The following PHF12 variants were observed in gnomAD, a reference collection of about 807,000 sequenced individuals.
PHF12 encodes the protein PHD finger protein 12.
Under a neutral mutation model 99.8 loss-of-function variants are expected in PHF12, and 6 were observed. The observed-to-expected ratio is 0.06, with a 90% CI of 0.03 to 0.12. The LOEUF (loss-of-function observed/expected upper bound fraction) is 0.12. PHF12 is among the 10% of genes least tolerant of loss of function. PHF12 has a pLI of 1.00. For missense variants in PHF12, 954 were observed against 1,300.1 expected (o/e 0.73, Z 4.09); for synonymous variants, 480 against 514.9 (o/e 0.93, Z 0.92).
chr17:28,908,986 C>A (rs2039915808), intron 11 of PHF12, 105 bp from the exon 12 acceptor site: 2 of 1,044,748 alleles, frequency 1.9e-6, no homozygotes, highest in African/African-American at 1.6e-5. Context: ...GGAGAAAATC[C>A]CGCTGGATGA....
intron 5 of PHF12, among the ~76,000 whole-genome samples, chr17:28,920,303 C>G (rs2040138879): frequency 6.6e-6 from 1 of 152,144 alleles, no homozygotes; most frequent in South Asian, 2.1e-4. Flanking sequence ...TCTTGCTACC[C>G]TGCTCTGACC....
intron 2 of PHF12, among the ~76,000 whole-genome samples, chr17:28,933,521 C>T (rs953270369): frequency 6.6e-6 from 1 of 152,154 alleles, no homozygotes; most frequent in African/African-American, 2.4e-5. Flanking sequence ...GTTTTTGGTT[C>T]ACTCTCAGGA....
rs965602380 is a variant in PHF12 at position 28,951,095 on chromosome 17, G to A, written c.-135C>T. On this transcript the variant is annotated 5_prime_UTR_variant, in exon 1 of 15. Coordinates refer to ENST00000332830, the MANE Select transcript of PHF12 (RefSeq NM_001033561.2). ...ATACGGGTCCCGACTTCCTCGCCCT[G>A]GCTCCCCCCCACCCCCCGGCCCCCA... 1 of 1,471,652 alleles carries A rather than the reference G, an allele frequency of 6.8e-7. No homozygotes were observed. The highest frequency in any genetic ancestry group is 9.0e-7 in the Non-Finnish European group (1 of 1,110,680). 91.2% of individuals were successfully genotyped at this position (1,471,652 alleles called of 1,614,324 possible). A position where few individuals can be genotyped will look rare whatever the true frequency, so the allele number is the denominator to read the frequency against.
At chr17:28,921,998 G>A (rs1222059048) in intron 4 of PHF12, among the ~76,000 whole-genome samples, 190 bp from the exon 5 acceptor site, 1 of 152,168 alleles carries the variant, frequency 6.6e-6, no homozygotes, top group Admixed American at 6.5e-5. Context: ...AAAAAAAAGA[G>A]ACTAATACGT....
In PHF12 at chr17:28,950,551, A is replaced by C; in HGVS notation, c.67-305T>G. On this transcript the variant is annotated intron_variant, in intron 1 of 14. Transcript: ENST00000332830. This position sits in a 1 kb window ranked among gnomAD's most constrained non-coding sequence, Gnocchi z 5.7. Reference sequence around the variant, plus strand: ...GTATGGACAGTGGGGGACTCCAAAGACCCGCTCGGGAGAGGCCCAAAGCCC... The same window carrying C: ...GTATGGACAGTGGGGGACTCCAAAGCCCCGCTCGGGAGAGGCCCAAAGCCC... The C allele has an allele frequency of 2.0e-6, 1 of 504,310 alleles. No individual in the cohort carries two copies. The allele number at this position is 504,310 out of a possible 1,614,324, so 31.2% of individuals were successfully genotyped here.
Position 28,912,936 on chromosome 17 carries a change from C to T in PHF12, c.1635G>A (p.Val545=), listed in dbSNP as rs1172018228. 6.2e-7 allele frequency: 1 copy of T among 1,614,240 alleles called. No individual in the cohort carries two copies. Among genetic ancestry groups the T allele is most frequent in the East Asian group, 2.2e-5 (1 of 44,884 alleles). The change falls in exon 9 of 15, where the codon GTG becomes GTA. Residue 545 remains valine (V), a synonymous_variant. Coordinates refer to ENST00000332830, the MANE Select transcript of PHF12 (RefSeq NM_001033561.2). ...GTANGPVNTE[V]KANGPHLYSS... is the part of the protein sequence containing the mutation. ...TGTAGAGGTGTGGGCCATTAGCTTT[C>T]ACCTCTGTGTTCACTGGCCCATTGG...
At chr17:28,927,766 G>C (rs1487028579) in intron 2 of PHF12, 1 of 152,272 alleles carries the variant, frequency 6.6e-6, no homozygotes, top group African/African-American at 2.4e-5. Flanking sequence ...CCATCTCAGA[G>C]CCCTGCTGTC....
chr17:28,949,469 T>C lies in PHF12; in HGVS notation c.248+596A>G, dbSNP rs1169779338. Among the ~76,000 whole-genome samples, 2 of 152,146 alleles carry C rather than the reference T, an allele frequency of 1.3e-5. No homozygotes were observed. Among genetic ancestry groups the C allele is most frequent in the African/African-American group, 2.4e-5 (1 of 41,424 alleles). On this transcript the variant is annotated intron_variant, in intron 2 of 14. Transcript: ENST00000332830. This position sits in a 1 kb window ranked among gnomAD's most constrained non-coding sequence, Gnocchi z 4.6. ...TCCCCACCGTTCCCCCGAGAGACGTTTGCAAATCATATATGCAGCCAAAAT... is the reference window on the plus strand; with the variant it reads ...TCCCCACCGTTCCCCCGAGAGACGTCTGCAAATCATATATGCAGCCAAAAT...
chr17:28,945,858 G>A (rs749512929), intron 2 of PHF12, among the ~76,000 whole-genome samples: 4 of 152,176 alleles, frequency 2.6e-5, no homozygotes, highest in Non-Finnish European at 4.4e-5. Context: ...CTCCATGGCC[G>A]GGTGTGGTGG....
chr17:28,919,664 T>C (rs2320589), intron 5 of PHF12, among the ~76,000 whole-genome samples: 93,220 of 152,080 alleles, frequency 0.61, 31,134 homozygotes, highest in African/African-American at 0.9. Flanking sequence ...TGCTTGAACC[T>C]AGGAGGCCGG....
chr17:28,938,399 T>C (rs2040548084), intron 2 of PHF12, among the ~76,000 whole-genome samples: 1 of 152,022 alleles, frequency 6.6e-6, no homozygotes, highest in Admixed American at 6.6e-5. Flanking sequence ...CCGGCTAATT[T>C]TTGTATTTTT....
chr17:28,926,086 C>T (rs1272062603), intron 3 of PHF12: 1 of 152,296 alleles, frequency 6.6e-6, no homozygotes, highest in African/African-American at 2.4e-5. Context: ...GTTGACCTGG[C>T]TTTGGCTTGC....
rs778300119 is a variant in PHF12 at position 28,906,235 on chromosome 17, A to C, written c.2963T>G (p.Leu988Arg). ...LLQDGVLAEK[L>R]SLKPHQGPVL... is the part of the protein sequence containing the mutation. ...AGGGCCCTGGTGGGGCTTGAGAGAG[A>C]GCTTCTCGGCCAAGACCCCATCCTG... Residue 988 changes from leucine (L) to arginine (R), a missense_variant, in exon 15 of 15, where the codon CTC (leucine) becomes CGC (arginine). Coordinates refer to ENST00000332830, the MANE Select transcript of PHF12 (RefSeq NM_001033561.2). This position sits in a 1 kb window ranked among gnomAD's most constrained non-coding sequence, Gnocchi z 4.2. 8 of 1,611,996 alleles carry C rather than the reference A, an allele frequency of 5.0e-6. No homozygotes were observed. Among genetic ancestry groups the C allele is most frequent in the South Asian group, 1.1e-5 (1 of 91,054 alleles).
At chr17:28,936,580 C>T (rs986559470) in intron 2 of PHF12, among the ~76,000 whole-genome samples, 1 of 152,118 alleles carries the variant, frequency 6.6e-6, no homozygotes, top group Non-Finnish European at 1.5e-5. Flanking sequence ...TGTCAGAACC[C>T]GTAATTCTTC....
intron 2 of PHF12, among the ~76,000 whole-genome samples, chr17:28,931,138 T>C (rs1031312832): frequency 7.9e-5 from 12 of 152,142 alleles, no homozygotes; most frequent in African/African-American, 2.4e-4. Context: ...CAGGCTCCCT[T>C]TGTTAAGCCT....
intron 9 of PHF12, 115 bp from the exon 10 acceptor site, chr17:28,911,352 A>T (rs752462143): frequency 7.1e-6 from 10 of 1,412,234 alleles, no homozygotes; most frequent in Middle Eastern, 2.5e-4. Context: ...TCCCTTCTTG[A>T]TTCTCAACCC....
In PHF12 at chr17:28,950,049, G is replaced by A. The variant is rs1471981828; in HGVS notation, c.248+16C>T. On this transcript the variant is annotated intron_variant, in intron 2 of 14. Transcript: ENST00000332830. This position sits in a 1 kb window ranked among gnomAD's most constrained non-coding sequence, Gnocchi z 5.7. ...AGGGTCCGCCAAGAAGCTCCAAAAGGGTCCCCAGACCTTACCAGCACTGGA... is the reference window on the plus strand; with the variant it reads ...AGGGTCCGCCAAGAAGCTCCAAAAGAGTCCCCAGACCTTACCAGCACTGGA... 6.3e-7 allele frequency: 1 copy of A among 1,576,448 alleles called. No homozygotes were observed. The highest frequency in any genetic ancestry group is 1.1e-5 in the South Asian group (1 of 88,510).
chr17:28,917,941 C>T (rs147570362), intron 6 of PHF12, among the ~76,000 whole-genome samples: 185 of 152,304 alleles, frequency 1.2e-3, no homozygotes, highest in Non-Finnish European at 1.9e-3. Context: ...TCCGTGTGCT[C>T]TGCTCTACTC....
intron 2 of PHF12, among the ~76,000 whole-genome samples, chr17:28,937,439 G>C (rs1284206292): frequency 6.6e-6 from 1 of 152,158 alleles, no homozygotes; most frequent in African/African-American, 2.4e-5. Context: ...AAGGTACAAG[G>C]ACTGTTGGGT....
Sources: gnomAD v4.1 joint callset for allele counts (sites outside exome capture counted in the v4.1 genomes callset) on GRCh38, gnomAD v4.1.1 for gene constraint, Gnocchi (gnomAD v3.1) non-coding constraint, MANE v1.5 for transcripts, NCBI Gene and HGNC (gene_info 2026-07-23, HGNC 2026-07-21) for gene names.